The following RNF121 variants were observed in gnomAD, a reference collection of about 807,000 sequenced individuals.
RNF121 encodes ring finger protein 121, also known as E3 ubiquitin ligase RNF121.
In RNF121, 21 loss-of-function variants were observed where a neutral mutation model predicts 46.5. That is an observed-to-expected ratio of 0.45 (90% CI 0.32 to 0.65). RNF121 has a LOEUF of 0.65. RNF121 is among the 30% of genes least tolerant of loss of function. The pLI is 0.04. For synonymous variants in RNF121, 139 were observed against 144.7 expected (o/e 0.96, Z 0.28); for missense variants, 346 against 416.0 (o/e 0.83, Z 1.46).
chr11:71,984,290 T>C (rs1954721529), intron 4 of RNF121, among the ~76,000 whole-genome samples: 1 of 152,258 alleles, frequency 6.6e-6, no homozygotes, highest in South Asian at 2.1e-4. Flanking sequence ...ACTAGCTTTT[T>C]TTTTGAGATG....
intron 1 of RNF121, among the ~76,000 whole-genome samples, chr11:71,951,379 GT>G: frequency 6.6e-6 from 1 of 152,040 alleles, no homozygotes; most frequent in Non-Finnish European, 1.5e-5. Context: ...AGGGTATTTT[GT>G]TGCCTTGAAC....
chr11:71,951,638 T>TAAA (rs780940688), intron 1 of RNF121, among the ~76,000 whole-genome samples: 3 of 116,022 alleles, frequency 2.6e-5, no homozygotes, highest in Non-Finnish European at 1.8e-5. Flanking sequence ...CCCTGTCTCT[T>TAAA]AAAAAAAAAA....
At chr11:71,942,589 C>G (rs1953601403) in intron 1 of RNF121, among the ~76,000 whole-genome samples, 1 of 151,738 alleles carries the variant, frequency 6.6e-6, no homozygotes, top group Admixed American at 6.6e-5. Flanking sequence ...ATGGTGAAAC[C>G]CCGTTTCTAC....
intron 1 of RNF121, among the ~76,000 whole-genome samples, chr11:71,955,333 C>T (rs2134170439): frequency 6.6e-6 from 1 of 152,240 alleles, no homozygotes; most frequent in Non-Finnish European, 1.5e-5. Flanking sequence ...TATTGATCAC[C>T]TGGAGGTCTT....
chr11:71,948,115 G>A (rs1590777998), intron 1 of RNF121, among the ~76,000 whole-genome samples: 1 of 151,592 alleles, frequency 6.6e-6, no homozygotes, highest in South Asian at 2.1e-4. Context: ...GAGAGAGGAG[G>A]GCCAGAGAGG....
At chr11:71,962,753 T>G (rs758796654) in intron 3 of RNF121, among the ~76,000 whole-genome samples, 1 of 152,248 alleles carries the variant, frequency 6.6e-6, no homozygotes, top group Non-Finnish European at 1.5e-5. Flanking sequence ...ACTCTGTGTT[T>G]AATGTTTTGA....
At chr11:71,978,222 A>T in intron 3 of RNF121, 1 of 451,264 alleles carries the variant, frequency 2.2e-6, no homozygotes. Flanking sequence ...TTTTAAACCA[A>T]ATAAAGAAAC....
At chr11:71,981,489 T>C (rs1264527244) in intron 3 of RNF121, among the ~76,000 whole-genome samples, 1 of 152,180 alleles carries the variant, frequency 6.6e-6, no homozygotes, top group Non-Finnish European at 1.5e-5. Context: ...ACCTCCATTA[T>C]GTATTATTTG....
chr11:71,974,862 A>T (rs1223497697), intron 3 of RNF121, among the ~76,000 whole-genome samples: 3 of 152,204 alleles, frequency 2.0e-5, no homozygotes, highest in Non-Finnish European at 4.4e-5. Flanking sequence ...GAAAATCTGG[A>T]TTGGAAACCT....
chr11:71,987,499 A>C (rs974849296), intron 5 of RNF121, among the ~76,000 whole-genome samples: 1 of 152,208 alleles, frequency 6.6e-6, no homozygotes, highest in Non-Finnish European at 1.5e-5. Context: ...CTTACGTTCA[A>C]CTAGGCCAGG....
intron 5 of RNF121, among the ~76,000 whole-genome samples, chr11:71,990,134 C>T (rs1954838242): frequency 6.6e-6 from 1 of 152,208 alleles, no homozygotes; most frequent in Admixed American, 6.5e-5. Context: ...CAGTGACACC[C>T]AGATTCTGGC....
intron 1 of RNF121, among the ~76,000 whole-genome samples, chr11:71,952,532 G>A (rs1953905718): frequency 6.6e-6 from 1 of 152,204 alleles, no homozygotes; most frequent in Non-Finnish European, 1.5e-5. Context: ...TACATGGCCA[G>A]GCTCGGTGGC....
intron 3 of RNF121, among the ~76,000 whole-genome samples, chr11:71,980,170 A>C (rs1447427534): frequency 2.6e-5 from 4 of 152,136 alleles, no homozygotes; most frequent in African/African-American, 9.7e-5. Context: ...CTTCATTCAG[A>C]GAGTCAGTTG....
At chr11:71,973,747 A>G (rs998252033) in intron 3 of RNF121, among the ~76,000 whole-genome samples, 7 of 152,050 alleles carry the variant, frequency 4.6e-5, no homozygotes, top group African/African-American at 1.7e-4. Context: ...AGATCCTGCC[A>G]CTGCACTCTA....
intron 3 of RNF121, among the ~76,000 whole-genome samples, chr11:71,975,621 T>C (rs767061685): frequency 3.9e-5 from 6 of 152,234 alleles, no homozygotes; most frequent in South Asian, 2.1e-4. Context: ...ACTTGTGTTC[T>C]TCAGGAGATT....
chr11:71,932,380 A>G (rs983289198), intron 1 of RNF121, among the ~76,000 whole-genome samples: 4 of 152,266 alleles, frequency 2.6e-5, no homozygotes, highest in Non-Finnish European at 4.4e-5. Context: ...GGGGAAGTAC[A>G]GCTTCTGATC....
At chr11:71,965,192 C>T (rs1369404293) in intron 3 of RNF121, among the ~76,000 whole-genome samples, 2 of 151,890 alleles carry the variant, frequency 1.3e-5, no homozygotes, top group Non-Finnish European at 2.9e-5. Context: ...CTAATACTAT[C>T]TCTCAAATAT....
chr11:71,967,804 T>G (rs557679226), intron 3 of RNF121, among the ~76,000 whole-genome samples: 3 of 152,070 alleles, frequency 2.0e-5, no homozygotes, highest in Non-Finnish European at 4.4e-5. Flanking sequence ...TAAATATTCA[T>G]TGTTTACATT....
At chr11:71,958,966 TC>T (rs1954061165) in intron 2 of RNF121, among the ~76,000 whole-genome samples, 1 of 152,222 alleles carries the variant, frequency 6.6e-6, no homozygotes, top group African/African-American at 2.4e-5. Context: ...TCTTTATAAC[TC>T]CTCATAGCCC....
Sources: gnomAD v4.1 joint callset for allele counts (sites outside exome capture counted in the v4.1 genomes callset) on GRCh38, gnomAD v4.1.1 for gene constraint, MANE v1.5 for transcripts, NCBI Gene and HGNC (gene_info 2026-07-23, HGNC 2026-07-21) for gene names.